The following KLF13 variants were observed in gnomAD, a reference collection of about 807,000 sequenced individuals.
The protein encoded by KLF13 is Krueppel-like factor 13.
In KLF13, 8 loss-of-function variants were observed where a neutral mutation model predicts 16.7. The ratio of observed to expected loss-of-function variants is 0.48; its 90% CI spans 0.28 to 0.87. The LOEUF is 0.87. Ranked by LOEUF, KLF13 falls within the 40% of genes least tolerant of loss-of-function variation. KLF13 has a pLI of 0.10. For synonymous variants in KLF13, 245 were observed against 208.4 expected (o/e 1.18, Z -1.51); for missense variants, 447 against 452.2 (o/e 0.99, Z 0.10).
chr15:31,421,678 T>TA (rs931737405), intron 1 of KLF13, among the ~76,000 whole-genome samples: 7 of 149,934 alleles, frequency 4.7e-5, no homozygotes, highest in African/African-American at 9.8e-5. Context: ...AACTTGTCAC[T>TA]AAAAAAAAAT....
downstream of KLF13, among the ~76,000 whole-genome samples, chr15:31,408,593 T>A (rs2040156132): frequency 6.6e-6 from 1 of 152,156 alleles, no homozygotes; most frequent in South Asian, 2.1e-4. Flanking sequence ...AACCCCCACA[T>A]TAAAGACCTA....
downstream of KLF13, among the ~76,000 whole-genome samples, chr15:31,405,149 T>C (rs2040105203): frequency 6.6e-6 from 1 of 152,132 alleles, no homozygotes; most frequent in African/African-American, 2.4e-5. Flanking sequence ...TGAATGAGGT[T>C]AGTGCCTTAG....
intron 1 of KLF13, among the ~76,000 whole-genome samples, chr15:31,333,275 G>T (rs748138492): frequency 5.3e-5 from 8 of 152,186 alleles, no homozygotes; most frequent in Middle Eastern, 3.2e-3. Flanking sequence ...AGTAAGTGAG[G>T]GTGGAACAGG....
intron 1 of KLF13, among the ~76,000 whole-genome samples, chr15:31,334,669 C>A (rs994360995): frequency 1.3e-5 from 2 of 152,178 alleles, no homozygotes; most frequent in Non-Finnish European, 2.9e-5. Flanking sequence ...CTCAGGTGAT[C>A]TGCCCACCTC....
intron 1 of KLF13, among the ~76,000 whole-genome samples, chr15:31,350,583 C>G (rs1463860500): frequency 2.0e-5 from 3 of 152,222 alleles, no homozygotes; most frequent in Non-Finnish European, 4.4e-5. Context: ...GTTCTTTGTA[C>G]CTGTTCCATC....
chr15:31,355,852 C>T (rs1261366807), intron 1 of KLF13, among the ~76,000 whole-genome samples: 2 of 151,956 alleles, frequency 1.3e-5, no homozygotes, highest in African/African-American at 4.8e-5. Flanking sequence ...TGTCCCCACA[C>T]ACCCAGTGTG....
intron 1 of KLF13, chr15:31,339,888 G>C (rs529492591): frequency 1.4e-6 from 1 of 696,672 alleles, no homozygotes; most frequent in African/African-American, 1.7e-5. Context: ...GCGGGCTCTC[G>C]TGCAGGCCTG....
downstream of KLF13, among the ~76,000 whole-genome samples, chr15:31,381,891 G>A (rs566722719): frequency 2.0e-5 from 3 of 152,352 alleles, no homozygotes; most frequent in South Asian, 4.1e-4. Context: ...CTGCACAGCC[G>A]TTGCTCAGGG....
downstream of KLF13, among the ~76,000 whole-genome samples, chr15:31,405,916 G>A (rs1315733830): frequency 6.6e-6 from 1 of 152,198 alleles, no homozygotes; most frequent in Non-Finnish European, 1.5e-5. Flanking sequence ...TAAAGGCAAT[G>A]AATAGAATAA....
At chr15:31,406,816 T>G (rs2040135178), downstream of KLF13, among the ~76,000 whole-genome samples, 1 of 152,160 alleles carries the variant, frequency 6.6e-6, no homozygotes. Flanking sequence ...GATCTCTCCC[T>G]CTGACTCTGA....
intron 1 of KLF13, chr15:31,366,480 G>A (rs1019629230): frequency 6.6e-6 from 1 of 152,332 alleles, no homozygotes; most frequent in East Asian, 1.9e-4. Flanking sequence ...GGAAGGCTAG[G>A]AGCTCCTCTG....
Position 31,327,133 on chromosome 15 carries a change from C to T in KLF13, c.-80C>T, listed in dbSNP as rs1403137360. The T allele has an allele frequency of 2.5e-6, 3 of 1,177,680 alleles. No individual in the cohort carries two copies. Among genetic ancestry groups the T allele is most frequent in the South Asian group, 3.1e-5 (1 of 31,862 alleles). The allele number at this position is 1,177,680 out of a possible 1,614,324, so 73.0% of individuals were successfully genotyped here. A position where few individuals can be genotyped will look rare whatever the true frequency, so the allele number is the denominator to read the frequency against. On this transcript the variant is annotated 5_prime_UTR_variant, in exon 1 of 2. Coordinates refer to ENST00000307145, the MANE Select transcript of KLF13 (RefSeq NM_015995.4). ...GGCGCGCCGCGCCCCCGCCCCCCGCCCGCTCTCCCGAGGCCGTGGGTGCGG... is the reference window on the plus strand; with the variant it reads ...GGCGCGCCGCGCCCCCGCCCCCCGCTCGCTCTCCCGAGGCCGTGGGTGCGG...
At chr15:31,388,920 T>A (rs547874158), upstream of KLF13, among the ~76,000 whole-genome samples, 2 of 152,074 alleles carry the variant, frequency 1.3e-5, no homozygotes, top group Non-Finnish European at 2.9e-5. Context: ...TTTGTCGTTA[T>A]TCCCTTCAGT....
exon 3 of KLF13, chr15:31,404,385 A>G (rs1190680015): frequency 6.6e-6 from 1 of 152,192 alleles, no homozygotes; most frequent in Non-Finnish European, 1.5e-5. Context: ...TCTGTCTTAC[A>G]AAGGGATTGT....
chr15:31,410,301 C>T (rs1358537141), intron 1 of KLF13, among the ~76,000 whole-genome samples: 1 of 151,260 alleles, frequency 6.6e-6, no homozygotes, highest in Non-Finnish European at 1.5e-5. Context: ...TCTTCAGCAA[C>T]CCAAAAGACT....
chr15:31,433,963 C>A (rs1488942799), intron 1 of KLF13, among the ~76,000 whole-genome samples: 1 of 152,218 alleles, frequency 6.6e-6, no homozygotes, highest in East Asian at 1.9e-4. Flanking sequence ...GAGACACCAC[C>A]CCTCACATTT....
intron 1 of KLF13, among the ~76,000 whole-genome samples, chr15:31,342,190 C>G (rs556558871): frequency 6.6e-6 from 1 of 152,140 alleles, no homozygotes; most frequent in Non-Finnish European, 1.5e-5. Context: ...TGCCCTGCAC[C>G]CTGTGTCAGT....
At chr15:31,330,661 C>T (rs1333293471) in intron 1 of KLF13, among the ~76,000 whole-genome samples, 1 of 152,232 alleles carries the variant, frequency 6.6e-6, no homozygotes, top group Non-Finnish European at 1.5e-5. Flanking sequence ...GCTTTCTGTC[C>T]TGGTTAGCTG....
rs1202315138 is a variant in KLF13, at chr15:31,327,580, G to T, written c.368G>T (p.Ser123Ile). Residue 123 changes from serine (S) to isoleucine (I), a missense_variant, in exon 1 of 2, where the codon AGC (serine) becomes ATC (isoleucine). By Grantham distance (142) the Ser-to-Ile change is moderately radical (BLOSUM62 -2). Transcript: ENST00000307145. ...AAAAPPSPAW[S>I]EPEPEAGLEP... ...GCCGCGCCCCCCAGCCCGGCGTGGA[G>T]CGAGCCGGAGCCCGAGGCGGGGCTG... 2 of 1,199,438 alleles carry T rather than the reference G, an allele frequency of 1.7e-6. No individual in the cohort carries two copies. Among genetic ancestry groups the T allele is most frequent in the Admixed American group, 4.7e-5 (1 of 21,424 alleles). The allele number at this position is 1,199,438 out of a possible 1,614,324, so 74.3% of individuals were successfully genotyped here.
Sources: allele counts gnomAD v4.1 joint callset (sites outside exome capture counted in the v4.1 genomes callset), GRCh38; gene constraint gnomAD v4.1.1; transcripts MANE v1.5; gene names NCBI Gene and HGNC (gene_info 2026-07-23, HGNC 2026-07-21).